Variants in SLC9A9 observed in about 807,000 individuals in gnomAD.
SLC9A9 encodes sodium/hydrogen exchanger 9.
SLC9A9 carries 62 observed loss-of-function variants against 77.8 expected under a neutral mutation model. The observed-to-expected ratio is 0.80, with a 90% CI of 0.65 to 0.98. The LOEUF (loss-of-function observed/expected upper bound fraction) is 0.98. SLC9A9 is among the 50% of genes least tolerant of loss of function. The pLI is 0.00. For synonymous variants in SLC9A9, 320 were observed against 283.5 expected (o/e 1.13, Z -1.29); for missense variants, 775 against 774.9 (o/e 1.00, Z 0.00).
At position 143,388,905 on chromosome 3, in the gene SLC9A9, G is replaced by C. The variant is rs114675445; in HGVS notation, c.1470-6791C>G. Among the ~76,000 whole-genome samples the C allele has an allele frequency of 2.6e-3, 397 of 152,324 alleles. 2 individuals are homozygous for C. The highest frequency in any genetic ancestry group is 9.1e-3 in the African/African-American group (380 of 41,572). On this transcript the variant is annotated intron_variant, in intron 12 of 15. Coordinates refer to ENST00000316549, the MANE Select transcript of SLC9A9 (RefSeq NM_173653.4). ...GAGCAATTAGGTACGTTTCACAGAG[G>C]AGATGGACACTGAAAAGTGAGAATG...
At chr3:143,707,580 C>T (rs1312985147) in intron 4 of SLC9A9, among the ~76,000 whole-genome samples, 4 of 152,078 alleles carry the variant, frequency 2.6e-5, no homozygotes, top group Admixed American at 2.0e-4. Context: ...GTTCATTGTT[C>T]CTGATAAAAT....
At chr3:143,525,206 T>G (rs1166100197) in intron 9 of SLC9A9, among the ~76,000 whole-genome samples, 1 of 152,214 alleles carries the variant, frequency 6.6e-6, no homozygotes, top group East Asian at 1.9e-4. Flanking sequence ...TTTTTTAGAC[T>G]TATGTTAAAT....
intron 4 of SLC9A9, among the ~76,000 whole-genome samples, chr3:143,760,146 C>T (rs952825658): frequency 9.2e-5 from 14 of 151,872 alleles, no homozygotes; most frequent in South Asian, 6.2e-4. Context: ...AAATAATAAC[C>T]GTAAATAGCT....
At chr3:143,763,416 A>G (rs956369004) in intron 4 of SLC9A9, among the ~76,000 whole-genome samples, 8 of 152,322 alleles carry the variant, frequency 5.3e-5, no homozygotes, top group Non-Finnish European at 1.2e-4. Context: ...GAGTTAAGGT[A>G]AATGTCATTA....
intron 1 of SLC9A9, among the ~76,000 whole-genome samples, chr3:143,842,327 GC>G (rs1296452226): frequency 6.6e-6 from 1 of 152,190 alleles, no homozygotes; most frequent in African/African-American, 2.4e-5. Context: ...GTGGCAGTGA[GC>G]CGAGATTGTG....
intron 12 of SLC9A9, among the ~76,000 whole-genome samples, chr3:143,452,121 T>A (rs1283671804): frequency 6.6e-6 from 1 of 152,112 alleles, no homozygotes; most frequent in Non-Finnish European, 1.5e-5. Context: ...GGTAAAAGAT[T>A]GTTAGAAACA....
intron 9 of SLC9A9, among the ~76,000 whole-genome samples, chr3:143,543,311 A>G (rs992695873): frequency 6.6e-6 from 1 of 151,512 alleles, no homozygotes; most frequent in Non-Finnish European, 1.5e-5. Context: ...GCCCACCCCT[A>G]ACTATTTCTC....
chr3:143,430,329 G>A (rs2034489443), intron 12 of SLC9A9, among the ~76,000 whole-genome samples: 1 of 152,154 alleles, frequency 6.6e-6, no homozygotes, highest in Non-Finnish European at 1.5e-5. Flanking sequence ...ACTTGGAAGG[G>A]GAGGATAGAA....
chr3:143,403,022 A>G (rs2033898916), intron 12 of SLC9A9, among the ~76,000 whole-genome samples: 1 of 151,734 alleles, frequency 6.6e-6, no homozygotes, highest in Non-Finnish European at 1.5e-5. Context: ...GATGTAGAAC[A>G]TTTGCTCCAC....
intron 6 of SLC9A9, among the ~76,000 whole-genome samples, chr3:143,602,421 C>G (rs1370279175): frequency 6.6e-6 from 1 of 152,222 alleles, no homozygotes. Flanking sequence ...GGAAGGCCAG[C>G]TGGAACAGGT....
intron 14 of SLC9A9, among the ~76,000 whole-genome samples, chr3:143,330,634 T>TC (rs1463463938): frequency 3.3e-5 from 5 of 152,338 alleles, no homozygotes; most frequent in South Asian, 2.1e-4. Context: ...CTCCTTCTGT[T>TC]CCTAACAGAA....
chr3:143,371,769 G>T (rs1286133634), intron 13 of SLC9A9, among the ~76,000 whole-genome samples: 1 of 152,168 alleles, frequency 6.6e-6, no homozygotes, highest in African/African-American at 2.4e-5. Flanking sequence ...AAAAGAAGAA[G>T]TCCAGCTGTA....
At chr3:143,426,868 A>C (rs764677076) in intron 12 of SLC9A9, among the ~76,000 whole-genome samples, 5 of 152,216 alleles carry the variant, frequency 3.3e-5, no homozygotes, top group African/African-American at 4.8e-5. Flanking sequence ...CACAGTTTAC[A>C]ACAGAGGAAA....
intron 5 of SLC9A9, 98 bp downstream of exon 5, chr3:143,693,094 A>C: frequency 1.1e-6 from 1 of 883,926 alleles, no homozygotes; most frequent in Non-Finnish European, 1.8e-6. Flanking sequence ...AAAAATAGAA[A>C]TTATTATTAT....
At chr3:143,705,920 C>A (rs1366953184) in intron 4 of SLC9A9, among the ~76,000 whole-genome samples, 2 of 152,196 alleles carry the variant, frequency 1.3e-5, no homozygotes, top group East Asian at 3.8e-4. Context: ...AAGTCATCTA[C>A]ATAAGCACAG....
chr3:143,277,662 A>G (rs1485750603), intron 14 of SLC9A9, among the ~76,000 whole-genome samples: 1 of 152,168 alleles, frequency 6.6e-6, no homozygotes, highest in African/African-American at 2.4e-5. Context: ...TTGAAAGAAA[A>G]CATTTCTGGC....
chr3:143,847,669 T>G (rs543874473), intron 1 of SLC9A9: 3 of 161,368 alleles, frequency 1.9e-5, no homozygotes, highest in African/African-American at 7.2e-5. Flanking sequence ...CACAATATTC[T>G]CTTAAGAGGG....
intron 5 of SLC9A9, among the ~76,000 whole-genome samples, chr3:143,668,962 G>T (rs562071665): frequency 2.6e-5 from 4 of 152,190 alleles, no homozygotes; most frequent in Non-Finnish European, 5.9e-5. Context: ...TGCCCAAGAG[G>T]CACCTGTGAG....
chr3:143,648,774 G>A (rs1653340568), intron 6 of SLC9A9, among the ~76,000 whole-genome samples: 1 of 152,134 alleles, frequency 6.6e-6, no homozygotes, highest in Non-Finnish European at 1.5e-5. Flanking sequence ...TGACCATAGT[G>A]ATTATTCCAA....
Sources: allele counts gnomAD v4.1 joint callset (sites outside exome capture counted in the v4.1 genomes callset), GRCh38; gene constraint gnomAD v4.1.1; transcripts MANE v1.5; gene names NCBI Gene and HGNC (gene_info 2026-07-23, HGNC 2026-07-21).